MAST2: variants seen among roughly 807,000 people sequenced by gnomAD.
MAST2 encodes the protein microtubule associated serine/threonine kinase 2.
In MAST2, 70 loss-of-function variants were observed where a neutral mutation model predicts 147.4. The observed-to-expected ratio is 0.47, with a 90% CI of 0.39 to 0.58. The LOEUF is 0.58. MAST2 is among the 20% of genes least tolerant of loss of function. MAST2 has a pLI of 0.00. For synonymous variants in MAST2, 869 were observed against 896.8 expected (o/e 0.97, Z 0.55); for missense variants, 2,080 against 2,302.3 (o/e 0.90, Z 1.98).
chr1:45,874,400 G>A (rs1274132239), intron 3 of MAST2, among the ~76,000 whole-genome samples: 5 of 152,076 alleles, frequency 3.3e-5, no homozygotes, highest in Admixed American at 6.6e-5. Context: ...TTTCTTCCTC[G>A]GTAATATTTT....
intron 4 of MAST2, among the ~76,000 whole-genome samples, chr1:45,898,700 A>G (rs566712157): frequency 7.9e-5 from 12 of 152,316 alleles, no homozygotes; most frequent in African/African-American, 2.6e-4. Context: ...CATAGCCATC[A>G]GCAATCTCTG....
chr1:46,002,945 A>G (rs1334040873), intron 7 of MAST2, 62 bp downstream of exon 7: 36 of 1,488,312 alleles, frequency 2.4e-5, no homozygotes, highest in Non-Finnish European at 3.4e-5. Context: ...CCTTTGGGTT[A>G]TCTAGTGTCA....
chr1:45,812,047 G>A (rs1321841879), intron 1 of MAST2, among the ~76,000 whole-genome samples: 1 of 152,104 alleles, frequency 6.6e-6, no homozygotes, highest in Admixed American at 6.6e-5. Flanking sequence ...TGGAATTACA[G>A]GTGTGAGCCA....
intron 5 of MAST2, among the ~76,000 whole-genome samples, chr1:45,992,444 T>C (rs1644889059): frequency 1.3e-5 from 2 of 152,234 alleles, no homozygotes; most frequent in African/African-American, 2.4e-5. Context: ...ATATTTCTAA[T>C]ATTGAGAATT....
intron 4 of MAST2, among the ~76,000 whole-genome samples, chr1:45,958,186 T>A (rs1274953727): frequency 1.3e-5 from 2 of 152,136 alleles, no homozygotes; most frequent in Non-Finnish European, 2.9e-5. Context: ...TTATCATTTC[T>A]AATGATAATC....
intron 4 of MAST2, among the ~76,000 whole-genome samples, chr1:45,935,024 T>A (rs1029942585): frequency 1.2e-4 from 19 of 152,236 alleles, no homozygotes; most frequent in Non-Finnish European, 2.2e-4. Flanking sequence ...ACCAATAATG[T>A]ACAAGAATTT....
chr1:45,963,793 A>G (rs933301780), intron 5 of MAST2, among the ~76,000 whole-genome samples: 79 of 152,288 alleles, frequency 5.2e-4, no homozygotes, highest in African/African-American at 1.9e-3. Flanking sequence ...AACTTCCAAC[A>G]CTATGTTGAA....
chr1:45,937,661 A>G (rs1656458787), intron 4 of MAST2, among the ~76,000 whole-genome samples: 1 of 148,902 alleles, frequency 6.7e-6, no homozygotes, highest in Non-Finnish European at 1.5e-5. Context: ...CTGAGTCAGG[A>G]AAATCACTTG....
chr1:45,903,632 A>G (rs1254583498), intron 4 of MAST2, among the ~76,000 whole-genome samples: 2 of 152,046 alleles, frequency 1.3e-5, no homozygotes, highest in Admixed American at 1.3e-4. Context: ...TTGATTTCTA[A>G]TTTTATTCCA....
At chr1:45,852,964 T>A (rs1356468699) in intron 3 of MAST2, among the ~76,000 whole-genome samples, 1 of 152,200 alleles carries the variant, frequency 6.6e-6, no homozygotes, top group Non-Finnish European at 1.5e-5. Context: ...AGATGGTATC[T>A]CTGTCACCCA....
chr1:45,929,386 G>C lies in MAST2; in HGVS notation c.501-30000G>C, dbSNP rs150874107. On this transcript the variant is annotated intron_variant, in intron 4 of 28. Coordinates refer to ENST00000361297, the MANE Select transcript of MAST2 (RefSeq NM_015112.3). ...AAGATTGTTTGCCCAGAGCAGCAGG[G>C]GGGGAGTTGTTGGTGGTGAAGCCCC... is the stretch of plus-strand genomic sequence containing the variant. Among the ~76,000 whole-genome samples, 389 of 152,286 alleles carry C rather than the reference G, an allele frequency of 2.6e-3. 4 individuals carry two copies. The highest frequency in any genetic ancestry group is 0.02 in the Admixed American group (310 of 15,290).
rs1281272375 is a variant in MAST2, at chr1:45,829,513, G to C, written c.400G>C (p.Ala134Pro). Residue 134 changes from alanine (A) to proline (P), a missense_variant, in exon 3 of 29, where the codon GCA becomes CCA. Coordinates refer to ENST00000361297, the MANE Select transcript of MAST2 (RefSeq NM_015112.3). The stretch of plus-strand genomic sequence containing the variant: ...GGTGACTTGGCAGTCGTCAGGAGAA[G>C]CATCAAACCTGGTTCGAATGAGAAA... ...GQVTWQSSGE[A>P]SNLVRMRNQS... The C allele has an allele frequency of 6.2e-7, 1 of 1,614,180 alleles. No homozygotes were observed.
At chr1:45,851,234 A>G (rs934016166) in intron 3 of MAST2, among the ~76,000 whole-genome samples, 3 of 151,626 alleles carry the variant, frequency 2.0e-5, no homozygotes, top group African/African-American at 2.4e-5. Context: ...TTTTGTAGCT[A>G]TTGTAAATGG....
intron 4 of MAST2, among the ~76,000 whole-genome samples, chr1:45,887,036 C>T (rs1265967219): frequency 6.6e-6 from 1 of 152,186 alleles, no homozygotes; most frequent in Non-Finnish European, 1.5e-5. Flanking sequence ...CTATGTTACT[C>T]AGGCTGGTCT....
Position 45,882,382 on chromosome 1 carries a change from A to G in MAST2, c.487A>G (p.Arg163Gly). 1 of 1,612,932 alleles carries G rather than the reference A, an allele frequency of 6.2e-7. No individual in the cohort carries two copies. The highest frequency in any genetic ancestry group is 1.1e-5 in the South Asian group (1 of 91,020). The stretch of plus-strand genomic sequence containing the variant: ...TTTTCAGAAGGAGTTGAGCCTTCCA[A>G]GAAGAGGCAGCTTGTAAGTAGATGA... ...TAGLKELSLP[R>G]RGSFCRTSNR... The change falls in exon 4 of 29, where the codon AGA becomes GGA. Residue 163 changes from arginine to glycine, a missense_variant. This residue lies in a region of MAST2 where 569 missense variants were observed against 642.5 expected (regional missense o/e 0.89). Coordinates refer to ENST00000361297, the MANE Select transcript of MAST2 (RefSeq NM_015112.3).
At chr1:45,915,263 TTC>T (rs1300893282) in intron 4 of MAST2, among the ~76,000 whole-genome samples, 1 of 152,200 alleles carries the variant, frequency 6.6e-6, no homozygotes, top group Non-Finnish European at 1.5e-5. Context: ...GGTAATCATT[TTC>T]TCTGTTTTAC....
chr1:46,003,875 G>A (rs533416434), intron 7 of MAST2, among the ~76,000 whole-genome samples: 2 of 152,292 alleles, frequency 1.3e-5, no homozygotes, highest in East Asian at 1.9e-4. Context: ...GAAGCAGGCC[G>A]TAGACCTGCT....
chr1:46,032,812 A>C, intron 26 of MAST2, 94 bp downstream of exon 26: 1 of 1,440,920 alleles, frequency 6.9e-7, no homozygotes, highest in Admixed American at 2.0e-5. Flanking sequence ...TTGGGTGCAC[A>C]CACATCTACA....
chr1:45,938,979 A>G (rs1458130912), intron 4 of MAST2, among the ~76,000 whole-genome samples: 1 of 151,828 alleles, frequency 6.6e-6, no homozygotes, highest in Non-Finnish European at 1.5e-5. Context: ...TATGATTTGC[A>G]ATTATTTTCT....
Sources: allele counts gnomAD v4.1 joint callset (sites outside exome capture counted in the v4.1 genomes callset), GRCh38; gene constraint gnomAD v4.1.1; regional missense constraint gnomAD v4.1.1; transcripts MANE v1.5; gene names NCBI Gene and HGNC (gene_info 2026-07-23, HGNC 2026-07-21).